The following FMNL3 variants were observed in gnomAD, a reference collection of about 807,000 sequenced individuals.
FMNL3 encodes the protein formin like 3.
Under a neutral mutation model 119.6 loss-of-function variants are expected in FMNL3, and 57 were observed. That is an observed-to-expected ratio of 0.48 (90% CI 0.39 to 0.59). The LOEUF is 0.59. Among genes scored for constraint, FMNL3 ranks in the 20% least tolerant of loss-of-function variants. The pLI, the probability that FMNL3 is intolerant of heterozygous loss-of-function variation, is 0.00. For missense variants in FMNL3, 1,053 were observed against 1,323.5 expected (o/e 0.80, Z 3.17); for synonymous variants, 491 against 507.3 (o/e 0.97, Z 0.43).
chr12:49,686,265 G>A (rs1944455204), intron 1 of FMNL3, among the ~76,000 whole-genome samples: 1 of 150,688 alleles, frequency 6.6e-6, no homozygotes, highest in Admixed American at 6.6e-5. Context: ...GAGCCACTGT[G>A]TCCAGCCTTC....
intron 1 of FMNL3, among the ~76,000 whole-genome samples, chr12:49,691,536 C>A (rs1210519724): frequency 1.3e-5 from 2 of 152,072 alleles, no homozygotes; most frequent in African/African-American, 4.8e-5. Context: ...CAGGATCATG[C>A]CTACATTAAA....
intron 4 of FMNL3, among the ~76,000 whole-genome samples, chr12:49,663,826 A>G (rs951503004): frequency 1.3e-5 from 2 of 152,256 alleles, no homozygotes; most frequent in African/African-American, 4.8e-5. Flanking sequence ...AGATGACTAC[A>G]GCAAGACTTA....
intron 1 of FMNL3, among the ~76,000 whole-genome samples, chr12:49,695,901 T>C (rs1320378815): frequency 6.6e-6 from 1 of 152,040 alleles, no homozygotes; most frequent in Non-Finnish European, 1.5e-5. Context: ...CCCAGGCAGA[T>C]GCTGGGAAGC....
chr12:49,642,991 A>T lies in FMNL3; in HGVS notation c.*2824T>A. 1.2e-6 allele frequency: 2 copies of T among 1,613,874 alleles called. No individual in the cohort carries two copies. The highest frequency in any genetic ancestry group is 8.5e-7 in the Non-Finnish European group (1 of 1,179,890). On this transcript the variant is annotated 3_prime_UTR_variant, in exon 26 of 26. Coordinates refer to ENST00000335154, the MANE Select transcript of FMNL3 (RefSeq NM_175736.5). This position sits in a 1 kb window ranked among gnomAD's most constrained non-coding sequence, Gnocchi z 5.8. ...CATGGCAGGAAAGGCAAGAAGCACC[A>T]TCACAAGCGTTCCCACTCACCCTCA...
At position 49,676,040 on chromosome 12, in the gene FMNL3, C is replaced by T. The variant is rs148443923; in HGVS notation, c.127-7486G>A. 2.6e-3 allele frequency among the ~76,000 whole-genome samples: 397 copies of T among 152,294 alleles called. 2 individuals carry two copies. Among genetic ancestry groups the T allele is most frequent in the Non-Finnish European group, 2.7e-3 (185 of 68,026 alleles). On this transcript the variant is annotated intron_variant, in intron 1 of 25. Transcript: ENST00000335154. Reference sequence around the variant, plus strand: ...TCCCTACCTACTACCTACTACCTGACTTAAAATCCAGTAGCTCTATGACTA... The same window carrying T: ...TCCCTACCTACTACCTACTACCTGATTTAAAATCCAGTAGCTCTATGACTA...
chr12:49,652,593 A>G (rs575386297), intron 13 of FMNL3, among the ~76,000 whole-genome samples: 1 of 152,292 alleles, frequency 6.6e-6, no homozygotes, highest in East Asian at 1.9e-4. Context: ...TTGGCCTTGT[A>G]TAATGGCTCA....
chr12:49,643,078 T>C lies in FMNL3; in HGVS notation c.*2737A>G. On this transcript the variant is annotated 3_prime_UTR_variant, in exon 26 of 26. Transcript: ENST00000335154. ...GGGTTGTTTTGGGGAAATAAACACT[T>C]TGTTTTCCCCTTACAATATCTCCCT... The C allele has an allele frequency of 6.3e-7, 1 of 1,598,032 alleles. No individual in the cohort carries two copies.
At chr12:49,646,009 C>T in intron 25 of FMNL3, 106 bp from the exon 26 acceptor site, 1 of 902,906 alleles carries the variant, frequency 1.1e-6, no homozygotes, top group Non-Finnish European at 1.7e-6. Flanking sequence ...AGCAGTGAGG[C>T]AGATAAACAG....
chr12:49,704,348 C>A (rs563430749), intron 1 of FMNL3, among the ~76,000 whole-genome samples: 58 of 152,124 alleles, frequency 3.8e-4, no homozygotes, highest in Admixed American at 6.6e-4. Context: ...TATAATGAAG[C>A]TGACAATCTA....
In FMNL3 at chr12:49,643,172, T is replaced by C; in HGVS notation, c.*2643A>G. The C allele has an allele frequency of 6.2e-7, 1 of 1,607,750 alleles. No homozygotes were observed. Among genetic ancestry groups the C allele is most frequent in the Non-Finnish European group, 8.5e-7 (1 of 1,176,200 alleles). ...TCTCTCGAATTCCCAGACGAGGGCT[T>C]CTGGAGGGCAGAGAACCTCTGCACT... On this transcript the variant is annotated 3_prime_UTR_variant, in exon 26 of 26. Coordinates refer to ENST00000335154, the MANE Select transcript of FMNL3 (RefSeq NM_175736.5).
At chr12:49,662,162 A>C (rs759407598) in intron 4 of FMNL3, 113 bp from the exon 5 acceptor site, 3 of 970,510 alleles carry the variant, frequency 3.1e-6, no homozygotes, top group Non-Finnish European at 4.9e-6. Flanking sequence ...GCACCAGGCT[A>C]AGAAAATTCT....
At chr12:49,675,471 T>TCC (rs1177173819) in intron 1 of FMNL3, among the ~76,000 whole-genome samples, 1 of 152,186 alleles carries the variant, frequency 6.6e-6, no homozygotes, top group Non-Finnish European at 1.5e-5. Flanking sequence ...GGTTCTGTCC[T>TCC]CCCACCTGGG....
chr12:49,666,609 T>C lies in FMNL3; in HGVS notation c.211-402A>G, dbSNP rs1943897437. On this transcript the variant is annotated intron_variant, in intron 2 of 25. Transcript: ENST00000335154. Reference sequence around the variant, plus strand: ...GAGTTTGAGAATAGTCTGGATAACATAGGAAGACTCTGTCTCTACAAAAAA... The same window carrying C: ...GAGTTTGAGAATAGTCTGGATAACACAGGAAGACTCTGTCTCTACAAAAAA... 2.0e-5 allele frequency among the ~76,000 whole-genome samples: 3 copies of C among 152,050 alleles called. No homozygotes were observed. In the South Asian group the frequency reaches 6.2e-4, roughly 32 times the overall value.
chr12:49,645,791 AGTGCTTCTG>A lies in FMNL3; in HGVS notation c.*15_*23del. 1 of 1,586,474 alleles carries A rather than the reference AGTGCTTCTG, an allele frequency of 6.3e-7. No homozygotes were observed. The highest frequency in any genetic ancestry group is 2.3e-5 in the East Asian group (1 of 43,464). ...GGACTTGTAGGACTCTGAGGGGTGA[AGTGCTTCTG>A]CCTCCGAGAGGGTCTCAGTGGGGGC... On this transcript the variant is annotated 3_prime_UTR_variant, in exon 26 of 26. Transcript: ENST00000335154.
intron 14 of FMNL3, among the ~76,000 whole-genome samples, 193 bp from the exon 15 acceptor site, chr12:49,651,643 C>A (rs1943405791): frequency 6.6e-6 from 1 of 152,166 alleles, no homozygotes; most frequent in Non-Finnish European, 1.5e-5. Context: ...TGGTCTCTGA[C>A]CCAGTTTCTA....
chr12:49,671,963 T>C (rs1351288938), intron 1 of FMNL3, among the ~76,000 whole-genome samples: 1 of 152,160 alleles, frequency 6.6e-6, no homozygotes, highest in East Asian at 1.9e-4. Context: ...GGTGAACGCA[T>C]CCATAAACGA....
At position 49,641,288 on chromosome 12, in the gene FMNL3, G is replaced by A. The variant is rs1382143391; in HGVS notation, c.*4527C>T. ...TGGACTAAGTCATCTGGGTGGGTGT[G>A]GTGCTTGAAAGCAGACACTTTGGGG... On this transcript the variant is annotated 3_prime_UTR_variant, in exon 26 of 26. Transcript: ENST00000335154. The A allele has an allele frequency of 1.3e-5, 2 of 152,416 alleles. No individual in the cohort carries two copies. Among genetic ancestry groups the A allele is most frequent in the African/African-American group, 4.8e-5 (2 of 41,538 alleles). 9.4% of individuals were successfully genotyped at this position (152,416 alleles called of 1,614,324 possible). A position where few individuals can be genotyped will look rare whatever the true frequency, so the allele number is the denominator to read the frequency against.
intron 2 of FMNL3, among the ~76,000 whole-genome samples, chr12:49,666,492 G>T (rs1306923866): frequency 6.6e-6 from 1 of 152,190 alleles, no homozygotes; most frequent in African/African-American, 2.4e-5. Context: ...CTACAAAGAT[G>T]TTGGGGATTA....
At chr12:49,680,822 G>A (rs902902168) in intron 1 of FMNL3, among the ~76,000 whole-genome samples, 2 of 152,152 alleles carry the variant, frequency 1.3e-5, no homozygotes, top group African/African-American at 4.8e-5. Flanking sequence ...AATAACCACT[G>A]AGGGAATTAA....
Sources: gnomAD v4.1 joint callset for allele counts (sites outside exome capture counted in the v4.1 genomes callset) on GRCh38, gnomAD v4.1.1 for gene constraint, Gnocchi (gnomAD v3.1) non-coding constraint, MANE v1.5 for transcripts, NCBI Gene and HGNC (gene_info 2026-07-23, HGNC 2026-07-21) for gene names.